The following DENND2B variants were observed in gnomAD, a reference collection of about 807,000 sequenced individuals.
DENND2B encodes the protein DENN domain-containing protein 2B.
In DENND2B, 32 loss-of-function variants were observed where a neutral mutation model predicts 116.0. That is an observed-to-expected ratio of 0.28 (90% confidence interval 0.21 to 0.37). DENND2B has a LOEUF of 0.37. DENND2B is among the 10% of genes least tolerant of loss of function. DENND2B has a pLI of 1.00. For synonymous variants in DENND2B, 588 were observed against 583.9 expected (o/e 1.01, Z -0.10); for missense variants, 1,276 against 1,477.7 (o/e 0.86, Z 2.24).
intron 14 of DENND2B, 33 bp from the exon 15 acceptor site, chr11:8,699,423 G>T: frequency 1.3e-6 from 2 of 1,556,826 alleles, no homozygotes; most frequent in East Asian, 4.6e-5. Context: ...GAGTACCTGA[G>T]CCCAGGCCCA....
At chr11:8,837,913 G>A (rs899807047) in intron 4 of DENND2B, among the ~76,000 whole-genome samples, 9 of 152,302 alleles carry the variant, frequency 5.9e-5, no homozygotes, top group African/African-American at 1.9e-4. Flanking sequence ...CTGAGTTTAT[G>A]AAGGAGGTGG....
chr11:8,733,238 A>G (rs1046092622), intron 2 of DENND2B, among the ~76,000 whole-genome samples: 1 of 152,196 alleles, frequency 6.6e-6, no homozygotes, highest in Non-Finnish European at 1.5e-5. Flanking sequence ...GGAGATCCCA[A>G]CTTCCTCACA....
intron 4 of DENND2B, among the ~76,000 whole-genome samples, chr11:8,826,767 T>C (rs1201985189): frequency 1.3e-5 from 2 of 152,258 alleles, no homozygotes; most frequent in Non-Finnish European, 2.9e-5. Context: ...GCTCCTTATC[T>C]AACAAGACAT....
intron 1 of DENND2B, chr11:8,771,673 C>T (rs1296506832): frequency 6.6e-6 from 1 of 151,628 alleles, no homozygotes. Context: ...CTCTACCATA[C>T]CTGAATTTAT....
intron 2 of DENND2B, among the ~76,000 whole-genome samples, chr11:8,870,507 GTA>G (rs1445021216): frequency 3.7e-5 from 5 of 134,076 alleles, no homozygotes; most frequent in East Asian, 2.2e-4. Flanking sequence ...TTGTGCGTGT[GTA>G]TGTGTGTGTG....
upstream of DENND2B, among the ~76,000 whole-genome samples, chr11:8,813,219 G>C (rs543645469): frequency 6.6e-6 from 1 of 152,254 alleles, no homozygotes; most frequent in South Asian, 2.1e-4. Context: ...CAGAAGTTAA[G>C]GTAGGAAAGT....
chr11:8,749,083 T>C (rs2051848467), intron 2 of DENND2B, among the ~76,000 whole-genome samples: 1 of 152,200 alleles, frequency 6.6e-6, no homozygotes, highest in South Asian at 2.1e-4. Context: ...TGTGATATTC[T>C]AAAAAACTGG....
At position 8,726,200 on chromosome 11, in the gene DENND2B, A is replaced by G. The variant is rs2047054022; in HGVS notation, c.1350T>C (p.Phe450=). The G allele has an allele frequency of 6.2e-7, 1 of 1,609,420 alleles. No homozygotes were observed. The highest frequency in any genetic ancestry group is 2.2e-5 in the East Asian group (1 of 44,776). ...GHRKSQSRKS[F]EFEDASSLQS... ...GGAGACTGGATGCATCCTCAAACTC[A>G]AAGGATTTTCTGTGGATAACAAGAG... Residue 450 remains phenylalanine (F), a synonymous_variant, in exon 4 of 20, where the codon TTT becomes TTC. Coordinates refer to ENST00000313726, the MANE Select transcript of DENND2B (RefSeq NM_213618.2).
At chr11:8,829,885 T>C (rs2062136759) in intron 4 of DENND2B, among the ~76,000 whole-genome samples, 1 of 152,162 alleles carries the variant, frequency 6.6e-6, no homozygotes, top group African/African-American at 2.4e-5. Context: ...CTTTGAAAAG[T>C]CCAAGTACTT....
Position 8,717,835 on chromosome 11 carries a change from C to T in DENND2B, c.1535G>A (p.Gly512Glu), listed in dbSNP as rs1258515504. The change falls in exon 5 of 20, where the codon GGA becomes GAA. Residue 512 changes from glycine (G) to glutamate (E), a missense_variant. Physicochemically the swap from Gly to Glu is moderately conservative, Grantham distance 98. Transcript: ENST00000313726. ...CTCAGACAGTTGCTGGGATTTTCGT[C>T]CTGCTCTTCGGCTCTTTAAGTCCAC... ...EDVDLKSRRA[G>E]RKSQQLSENS... The T allele has an allele frequency of 6.8e-6, 11 of 1,613,478 alleles. No individual in the cohort carries two copies. In the Middle Eastern group the frequency reaches 8.2e-4, roughly 121 times the overall value.
intron 3 of DENND2B, among the ~76,000 whole-genome samples, chr11:8,839,925 GC>G (rs2062567920): frequency 6.6e-6 from 1 of 152,112 alleles, no homozygotes; most frequent in Non-Finnish European, 1.5e-5. Context: ...CAGATGAATT[GC>G]TTCCTGATTA....
intron 3 of DENND2B, among the ~76,000 whole-genome samples, chr11:8,840,511 G>A (rs1190276590): frequency 6.6e-6 from 1 of 152,152 alleles, no homozygotes; most frequent in Non-Finnish European, 1.5e-5. Flanking sequence ...CCAACGCAAT[G>A]AACAGCTGCC....
At chr11:8,778,923 T>C (rs1193661923) in intron 1 of DENND2B, among the ~76,000 whole-genome samples, 1 of 152,262 alleles carries the variant, frequency 6.6e-6, no homozygotes, top group Admixed American at 6.5e-5. Context: ...TACTTTCACG[T>C]CTTTCCATTC....
At chr11:8,824,486 A>ATAGTGG (rs916363036) in intron 4 of DENND2B, among the ~76,000 whole-genome samples, 5 of 152,122 alleles carry the variant, frequency 3.3e-5, no homozygotes, top group African/African-American at 1.2e-4. Flanking sequence ...TTTGCTAAGG[A>ATAGTGG]TAGTGGCCTC....
At chr11:8,715,465 C>A (rs747885519) in intron 6 of DENND2B, 138 bp downstream of exon 6, 1 of 822,746 alleles carries the variant, frequency 1.2e-6, no homozygotes, top group South Asian at 1.7e-5. Context: ...GGCCAGTGCA[C>A]GGACCCAGAA....
intron 5 of DENND2B, among the ~76,000 whole-genome samples, chr11:8,716,722 A>C (rs1439083381): frequency 1.3e-5 from 2 of 150,240 alleles, no homozygotes; most frequent in Non-Finnish European, 2.9e-5. Flanking sequence ...ATCTTGGCTT[A>C]CTGCAACCTC....
intron 1 of DENND2B, among the ~76,000 whole-genome samples, chr11:8,804,547 CTTTT>C (rs58169547): frequency 7.7e-6 from 1 of 129,632 alleles, no homozygotes; most frequent in African/African-American, 2.9e-5. Context: ...GCAGCTACTT[CTTTT>C]TTTTTTTTTT....
At chr11:8,831,524 A>C (rs568394612) in intron 4 of DENND2B, 1 of 151,834 alleles carries the variant, frequency 6.6e-6, no homozygotes, top group East Asian at 2.0e-4. Context: ...ACACACACAC[A>C]CCCTTGGGTA....
At chr11:8,747,474 T>C (rs2051472378) in intron 2 of DENND2B, among the ~76,000 whole-genome samples, 2 of 152,210 alleles carry the variant, frequency 1.3e-5, no homozygotes. Flanking sequence ...GAATTAGCTC[T>C]AAACATAATA....
Sources: allele counts gnomAD v4.1 joint callset (sites outside exome capture counted in the v4.1 genomes callset), GRCh38; gene constraint gnomAD v4.1.1; transcripts MANE v1.5; gene names NCBI Gene and HGNC (gene_info 2026-07-23, HGNC 2026-07-21).